The following CUX1 variants were observed in gnomAD, a reference collection of about 807,000 sequenced individuals.
CUX1 encodes cut like homeobox 1.
CUX1 carries 31 observed loss-of-function variants against 158.8 expected under a neutral mutation model. That is an observed-to-expected ratio of 0.20 (90% CI 0.15 to 0.26). The LOEUF is 0.26. Among genes scored for constraint, CUX1 ranks in the 10% least tolerant of loss-of-function variants. CUX1 has a pLI of 1.00. For missense variants in CUX1, 1,589 were observed against 2,014.6 expected, an observed-to-expected ratio of 0.79 and a Z score of 4.04; for synonymous variants, 879 against 862.1, an observed-to-expected ratio of 1.02 and a Z score of -0.34.
intron 8 of CUX1, among the ~76,000 whole-genome samples, chr7:102,146,057 A>C (rs998156283): frequency 5.9e-5 from 9 of 152,168 alleles, no homozygotes; most frequent in African/African-American, 2.2e-4. Context: ...TCCTAATTTC[A>C]CTTGATTTTA....
chr7:102,042,635 C>T (rs925468959), intron 3 of CUX1, among the ~76,000 whole-genome samples: 11 of 152,118 alleles, frequency 7.2e-5, no homozygotes, highest in Non-Finnish European at 1.6e-4. Context: ...CATTTCCATC[C>T]TTTAGGGCTG....
intron 5 of CUX1, among the ~76,000 whole-genome samples, chr7:102,101,423 G>T (rs993763701): frequency 7.2e-5 from 11 of 152,112 alleles, no homozygotes; most frequent in Non-Finnish European, 1.3e-4. Context: ...GGCCAGAGGC[G>T]CTAGGATAAA....
chr7:101,984,111 T>TACAC (rs1437129516), intron 2 of CUX1, among the ~76,000 whole-genome samples: 1 of 44,984 alleles, frequency 2.2e-5, no homozygotes, highest in African/African-American at 8.3e-5. Context: ...TATATATATA[T>TACAC]ATATATATAT....
intron 1 of CUX1, among the ~76,000 whole-genome samples, chr7:101,865,741 G>T (rs779256969): frequency 1.1e-4 from 16 of 152,224 alleles, no homozygotes; most frequent in Admixed American, 3.9e-4. Flanking sequence ...ACCACGGGAC[G>T]TGCGCACTCA....
chr7:102,081,621 G>T (rs1554478810), intron 4 of CUX1, among the ~76,000 whole-genome samples: 2 of 146,566 alleles, frequency 1.4e-5, no homozygotes, highest in Non-Finnish European at 3.1e-5. Flanking sequence ...TATAAATTAC[G>T]CAGTCTCAGG....
At chr7:102,008,368 A>G (rs565943204) in intron 2 of CUX1, among the ~76,000 whole-genome samples, 1 of 136,132 alleles carries the variant, frequency 7.3e-6, no homozygotes, top group East Asian at 2.2e-4. Context: ...CCCCACCTCT[A>G]CTCGCCCCTC....
At chr7:102,067,777 T>C (rs1825708358) in intron 3 of CUX1, among the ~76,000 whole-genome samples, 1 of 151,780 alleles carries the variant, frequency 6.6e-6, no homozygotes, top group Admixed American at 6.6e-5. Flanking sequence ...TGGTGGCTCA[T>C]GCCTGTAATC....
At chr7:101,902,982 C>G (rs1257773076) in intron 1 of CUX1, among the ~76,000 whole-genome samples, 1 of 152,108 alleles carries the variant, frequency 6.6e-6, no homozygotes, top group Non-Finnish European at 1.5e-5. Context: ...ATGATGTATG[C>G]TAAGTATAAA....
chr7:101,882,639 C>T (rs533887087), intron 1 of CUX1, among the ~76,000 whole-genome samples: 1 of 152,300 alleles, frequency 6.6e-6, no homozygotes, highest in African/African-American at 2.4e-5. Flanking sequence ...AGCAAGTGAG[C>T]GGCTCACACA....
At chr7:101,939,041 CAAA>C (rs561235456) in intron 2 of CUX1, among the ~76,000 whole-genome samples, 10 of 68,224 alleles carry the variant, frequency 1.5e-4, no homozygotes, top group African/African-American at 6.0e-4. Flanking sequence ...AACTCTGTCT[CAAA>C]AAAAAAAAAA....
intron 8 of CUX1, 141 bp downstream of exon 8, chr7:102,115,414 T>C (rs1353472929): frequency 1.5e-6 from 1 of 660,892 alleles, no homozygotes; most frequent in East Asian, 2.8e-5. Context: ...TTGCGTCGGT[T>C]CAATGCACGT....
intron 2 of CUX1, among the ~76,000 whole-genome samples, chr7:102,005,498 G>C (rs1458205421): frequency 6.6e-6 from 1 of 152,040 alleles, no homozygotes; most frequent in Non-Finnish European, 1.5e-5. Context: ...CTGCACCCGG[G>C]TTAATTTTTT....
chr7:102,017,447 A>G (rs1326172041), intron 2 of CUX1, among the ~76,000 whole-genome samples: 1 of 144,694 alleles, frequency 6.9e-6, no homozygotes, highest in East Asian at 1.9e-4. Context: ...AATGTCTCCT[A>G]GAAATTGAGA....
At chr7:101,867,944 C>G (rs1798098651) in intron 1 of CUX1, among the ~76,000 whole-genome samples, 1 of 152,044 alleles carries the variant, frequency 6.6e-6, no homozygotes, top group South Asian at 2.1e-4. Context: ...CTCCTGACTT[C>G]AAGTGATCTG....
At position 102,249,823 on chromosome 7, in the gene CUX1, G is replaced by T; in HGVS notation, c.*781G>T. 3 of 985,624 alleles carry T rather than the reference G, an allele frequency of 3.0e-6. No individual in the cohort carries two copies. The highest frequency in any genetic ancestry group is 3.6e-6 in the Non-Finnish European group (3 of 829,760). The allele number at this position is 985,624 out of a possible 1,614,324, so 61.1% of individuals were successfully genotyped here. ...TTTCAAGAAAAGAATCTTCTCGTTTGAAACTTTGAATTAAAATAAAACACA... is the reference window on the plus strand; with the variant it reads ...TTTCAAGAAAAGAATCTTCTCGTTTTAAACTTTGAATTAAAATAAAACACA... On this transcript the variant is annotated 3_prime_UTR_variant, in exon 24 of 24. Coordinates refer to ENST00000292535, the MANE Select transcript of CUX1 (RefSeq NM_181552.4).
At chr7:102,163,145 G>GA (rs1790639230) in intron 9 of CUX1, among the ~76,000 whole-genome samples, 2 of 152,096 alleles carry the variant, frequency 1.3e-5, no homozygotes, top group Non-Finnish European at 2.9e-5. Flanking sequence ...AAGGTTAAAG[G>GA]AAAGCCAGAG....
At chr7:101,914,047 C>T (rs563367765) in intron 1 of CUX1, among the ~76,000 whole-genome samples, 7 of 151,716 alleles carry the variant, frequency 4.6e-5, no homozygotes, top group South Asian at 4.2e-4. Flanking sequence ...ACATTGGTTT[C>T]GGTTGCTCTT....
Position 101,821,361 on chromosome 7 carries a change from CAG to C in CUX1, c.30+3695_30+3696del, listed in dbSNP as rs1410653937. On this transcript the variant is annotated intron_variant, in intron 1 of 23. Transcript: ENST00000292535. ...TCTTTCTTTTTTTTTTTTTTTGAGA[CAG>C]AGTCTCGCTCTTTCGCCCAGGCCGG... Among the ~76,000 whole-genome samples the C allele has an allele frequency of 6.2e-5, 9 of 145,700 alleles. No homozygotes were observed. In the East Asian group the frequency reaches 8.1e-4, roughly 13 times the overall value.
chr7:101,993,943 G>C (rs930414001), intron 2 of CUX1, among the ~76,000 whole-genome samples: 12 of 151,996 alleles, frequency 7.9e-5, no homozygotes, highest in African/African-American at 2.7e-4. Flanking sequence ...CCCCAAACCC[G>C]TCCAGCTCTG....
Sources: allele counts gnomAD v4.1 joint callset (sites outside exome capture counted in the v4.1 genomes callset), GRCh38; gene constraint gnomAD v4.1.1; transcripts MANE v1.5; gene names NCBI Gene and HGNC (gene_info 2026-07-23, HGNC 2026-07-21).